Variants in MED1 observed in about 807,000 individuals in gnomAD.
MED1 encodes the protein mediator of RNA polymerase II transcription subunit 1.
In MED1, 17 loss-of-function variants were observed where a neutral mutation model predicts 121.3. The observed-to-expected ratio is 0.14, with a 90% confidence interval of 0.10 to 0.21. MED1 has a LOEUF of 0.21. MED1 is among the 10% of genes least tolerant of loss of function. The pLI is 1.00. For synonymous variants in MED1, 661 were observed against 694.4 expected (o/e 0.95, Z 0.76); for missense variants, 1,558 against 1,919.4 (o/e 0.81, Z 3.52).
chr17:39,442,631 T>A (rs2048689413), intron 3 of MED1, among the ~76,000 whole-genome samples: 2 of 140,986 alleles, frequency 1.4e-5, no homozygotes, highest in South Asian at 4.5e-4. Context: ...ACTTCGCGAG[T>A]TGCTGTGGCT....
At position 39,408,972 on chromosome 17, in the gene MED1, ATAC is replaced by A; in HGVS notation, c.3246_3248del (p.Gln1082_Tyr1083delinsHis). 5 of 1,614,238 alleles carry A rather than the reference ATAC, an allele frequency of 3.1e-6. No individual in the cohort carries two copies. Among genetic ancestry groups the A allele is most frequent in the Non-Finnish European group, 4.2e-6 (5 of 1,180,036 alleles). On this transcript the variant is annotated inframe_deletion, in exon 17 of 17. Coordinates refer to ENST00000300651, the MANE Select transcript of MED1 (RefSeq NM_004774.4). The surrounding 1 kb of genome is among the most constrained non-coding windows in gnomAD (Gnocchi z 4.7). ...AGGAAGACACAGAACCACTGCTGGT[ATAC>A]TGACTGTGAGAGGAAGGCTTGCCCA...
In MED1 at chr17:39,406,149, A is replaced by G; in HGVS notation, c.*1326T>C. ...TTGATGTCCCCCAGAATCCAGACTC[A>G]GACCTATTTCTCCAAAAAGGTCCAA... On this transcript the variant is annotated 3_prime_UTR_variant, in exon 17 of 17. Transcript: ENST00000300651. 1 of 985,594 alleles carries G rather than the reference A, an allele frequency of 1.0e-6. No homozygotes were observed. Among genetic ancestry groups the G allele is most frequent in the Non-Finnish European group, 1.2e-6 (1 of 829,934 alleles). The allele number at this position is 985,594 out of a possible 1,614,324, so 61.1% of individuals were successfully genotyped here.
intron 10 of MED1, among the ~76,000 whole-genome samples, chr17:39,426,638 G>A (rs1489010598): frequency 1.3e-5 from 2 of 150,650 alleles, no homozygotes; most frequent in East Asian, 2.0e-4. Context: ...AGGTTCAAGC[G>A]ATTCTCCTGC....
Position 39,410,451 on chromosome 17 carries a change from G to A in MED1, c.1770C>T (p.Gly590=). ...MSIKDRHESV[G]HGEDFSKVSQ... is the part of the protein sequence containing the mutation. ...ACACCTTGCTGAAGTCCTCCCCATG[G>A]CCCACCGACTCATGCCGATCTTTGA... is the stretch of plus-strand genomic sequence containing the variant. Residue 590 remains glycine (G), a synonymous_variant, in exon 17 of 17, where the codon GGC becomes GGT. Transcript: ENST00000300651. The A allele has an allele frequency of 6.2e-7, 1 of 1,613,950 alleles. No homozygotes were observed. Among genetic ancestry groups the A allele is most frequent in the Non-Finnish European group, 8.5e-7 (1 of 1,179,988 alleles).
At chr17:39,415,411 C>A in intron 14 of MED1, 72 bp from the exon 15 acceptor site, 1 of 1,326,962 alleles carries the variant, frequency 7.5e-7, no homozygotes, top group Admixed American at 2.1e-5. Context: ...CGGTGGCTCA[C>A]GCCTGTAATC....
chr17:39,446,924 G>A (rs1178853173), intron 2 of MED1, among the ~76,000 whole-genome samples: 1 of 152,022 alleles, frequency 6.6e-6, no homozygotes, highest in Non-Finnish European at 1.5e-5. Context: ...TGGATGATAA[G>A]ACCTGGTCTC....
In MED1 at chr17:39,414,774, AT is replaced by A. The variant is rs144625553; in HGVS notation, c.1499+251del. ...AACCTCCACCTCCCAGGTTCAAGTTATTCTTCTGCATCAGCCTCCCGAGTAG... is the reference window on the plus strand; with the variant it reads ...AACCTCCACCTCCCAGGTTCAAGTTATCTTCTGCATCAGCCTCCCGAGTAG... On this transcript the variant is annotated intron_variant, in intron 16 of 16. Transcript: ENST00000300651. Among the ~76,000 whole-genome samples the A allele has an allele frequency of 5.0e-3, 746 of 148,294 alleles. 23 individuals carry two copies. In the East Asian group the frequency reaches 0.05, roughly 10 times the overall value.
At chr17:39,441,177 G>C (rs2048671242) in intron 3 of MED1, among the ~76,000 whole-genome samples, 1 of 152,140 alleles carries the variant, frequency 6.6e-6, no homozygotes, top group African/African-American at 2.4e-5. Flanking sequence ...GATGAACCTT[G>C]AAGACATTAC....
intron 1 of MED1, among the ~76,000 whole-genome samples, chr17:39,450,785 C>A (rs942458727): frequency 6.6e-6 from 1 of 152,162 alleles, no homozygotes; most frequent in African/African-American, 2.4e-5. Flanking sequence ...TGCCCCGTCT[C>A]CCACCACTTT....
intron 1 of MED1, among the ~76,000 whole-genome samples, chr17:39,450,575 C>T (rs1053162158): frequency 2.0e-5 from 3 of 152,112 alleles, no homozygotes; most frequent in Non-Finnish European, 4.4e-5. Context: ...AATAAAAGAA[C>T]GAAATTCAGC....
At chr17:39,421,559 T>A (rs1407641150) in intron 13 of MED1, among the ~76,000 whole-genome samples, 1 of 151,290 alleles carries the variant, frequency 6.6e-6, no homozygotes, top group Non-Finnish European at 1.5e-5. Context: ...TCTCAAAAAA[T>A]AAAAAAATAA....
At position 39,431,161 on chromosome 17, in the gene MED1, A is replaced by C. The variant is rs1213298589; in HGVS notation, c.603T>G (p.Asp201Glu). Residue 201 changes from aspartate (D) to glutamate (E), a missense_variant, in exon 9 of 17, where the codon GAT (aspartate) becomes GAG (glutamate). Physicochemically the swap from Asp to Glu is conservative, Grantham distance 45. Coordinates refer to ENST00000300651, the MANE Select transcript of MED1 (RefSeq NM_004774.4). ...AGCCAACACTTCCATGAAGAATCTT[A>C]TCCAAGGGACCAGCATTAGTTGCTT... Reference protein sequence around the residue: ...YWKATNAGPLDKILHGSVGYL... With the variant: ...YWKATNAGPLEKILHGSVGYL... The C allele has an allele frequency of 6.2e-7, 1 of 1,613,576 alleles. No homozygotes were observed. The highest frequency in any genetic ancestry group is 2.2e-5 in the East Asian group (1 of 44,874).
Position 39,442,996 on chromosome 17 carries a change from CT to C in MED1, c.211+553del, listed in dbSNP as rs754729976. ...GGGAAAAAAAACTTTTCCCAGGTAT[CT>C]TTTTTTTTTTTTTTTTTTTTTTTGA... is the stretch of plus-strand genomic sequence containing the variant. On this transcript the variant is annotated intron_variant, in intron 3 of 16. Transcript: ENST00000300651. Among the ~76,000 whole-genome samples, 646 of 82,862 alleles carry C rather than the reference CT, an allele frequency of 7.8e-3. 1 individual carries two copies. The highest frequency in any genetic ancestry group is 0.021 in the African/African-American group (420 of 20,210). 54.4% of individuals were successfully genotyped at this position (82,862 alleles called of 152,430 possible). A position where few individuals can be genotyped will look rare whatever the true frequency, so the allele number is the denominator to read the frequency against.
chr17:39,438,673 C>A (rs973484041), intron 6 of MED1, among the ~76,000 whole-genome samples: 2 of 151,984 alleles, frequency 1.3e-5, no homozygotes, highest in African/African-American at 2.4e-5. Flanking sequence ...GGGGTTTCAC[C>A]ATCTTGGCCA....
chr17:39,425,728 G>A (rs887369776), intron 10 of MED1, among the ~76,000 whole-genome samples: 2 of 151,966 alleles, frequency 1.3e-5, no homozygotes, highest in African/African-American at 2.4e-5. Context: ...CTTGAACCTG[G>A]GGGGCGGAGG....
At position 39,410,378 on chromosome 17, in the gene MED1, C is replaced by A; in HGVS notation, c.1843G>T (p.Gly615Trp). ...TSLLQITGNG[G>W]STIGSSPTPP... ...GTCGGACTCGAGCCAATGGTAGACC[C>A]CCCGTTCCCTGTGATTTGCAACAAA... Residue 615 changes from glycine to tryptophan, a missense_variant, in exon 17 of 17, where the codon GGG becomes TGG. Physicochemically the swap from Gly to Trp is radical, Grantham distance 184. Around this residue, in one of 5 missense-constraint regions of MED1, gnomAD observed 793 missense variants for 898.2 expected, o/e 0.88. Transcript: ENST00000300651. 6.2e-7 allele frequency: 1 copy of A among 1,613,958 alleles called. No individual in the cohort carries two copies. The highest frequency in any genetic ancestry group is 2.2e-5 in the East Asian group (1 of 44,874).
intron 16 of MED1, among the ~76,000 whole-genome samples, chr17:39,413,602 C>T (rs767697572): frequency 2.0e-5 from 3 of 151,998 alleles, no homozygotes; most frequent in Non-Finnish European, 2.9e-5. Context: ...GACACAGTGG[C>T]TCACACCTGC....
intron 1 of MED1, among the ~76,000 whole-genome samples, chr17:39,450,223 T>G (rs962937871): frequency 1.3e-5 from 2 of 152,176 alleles, no homozygotes; most frequent in African/African-American, 4.8e-5. Context: ...GCGCTGGGAT[T>G]ACAGGTGTGA....
At chr17:39,448,619 G>A (rs2048752147) in intron 1 of MED1, among the ~76,000 whole-genome samples, 1 of 150,848 alleles carries the variant, frequency 6.6e-6, no homozygotes, top group Admixed American at 6.6e-5. Context: ...AAAAATAAAT[G>A]AAAATGCTGG....
Sources: allele counts gnomAD v4.1 joint callset (sites outside exome capture counted in the v4.1 genomes callset), GRCh38; gene constraint gnomAD v4.1.1; regional missense constraint gnomAD v4.1.1; non-coding constraint Gnocchi (gnomAD v3.1); transcripts MANE v1.5; gene names NCBI Gene and HGNC (gene_info 2026-07-23, HGNC 2026-07-21).